Variants in RHOU observed in about 807,000 individuals in gnomAD.
The protein encoded by RHOU is ras homolog family member U.
Under a neutral mutation model 12.6 loss-of-function variants are expected in RHOU, and 8 were observed. The observed-to-expected ratio is 0.64, with a 90% confidence interval of 0.37 to 1.15. The LOEUF (loss-of-function observed/expected upper bound fraction) is 1.15, where lower values mean the gene tolerates loss of function less well. Ranked by LOEUF, RHOU falls within the 50% of genes most tolerant of loss-of-function variation. RHOU has a pLI of 0.01. For missense variants in RHOU, 258 were observed against 347.0 expected (o/e 0.74, Z 2.04); for synonymous variants, 161 against 147.4 (o/e 1.09, Z -0.67).
At chr1:228,650,742 A>G in the RHOU span, 1 of 454,830 alleles carries the variant, frequency 2.2e-6, no homozygotes, top group Non-Finnish European at 4.3e-6. Context: ...AGGCCAGCTT[A>G]TGATCAGGGT....
chr1:228,723,185 C>T, the RHOU span, among the ~76,000 whole-genome samples: 4 of 152,100 alleles, frequency 2.6e-5, no homozygotes, highest in African/African-American at 9.7e-5. Context: ...ATGCCAGTTT[C>T]GATAAAATGA....
At chr1:228,692,037 G>A in the RHOU span, among the ~76,000 whole-genome samples, 1 of 152,202 alleles carries the variant, frequency 6.6e-6, no homozygotes, top group East Asian at 1.9e-4. Flanking sequence ...TGCAGTGGTT[G>A]CTTTTAACCA....
At chr1:228,691,350 C>T in the RHOU span, among the ~76,000 whole-genome samples, 5 of 152,090 alleles carry the variant, frequency 3.3e-5, no homozygotes, top group East Asian at 3.8e-4. Flanking sequence ...TCCACCACTA[C>T]GGTATCACAC....
the RHOU span, among the ~76,000 whole-genome samples, chr1:228,714,789 G>C: frequency 2.3e-5 from 3 of 129,348 alleles, no homozygotes; most frequent in Non-Finnish European, 4.7e-5. Context: ...TGTCACCCAG[G>C]CTGGAGTGCA....
At chr1:228,740,304 T>C (rs1222467590) in intron 2 of RHOU, among the ~76,000 whole-genome samples, 1 of 152,206 alleles carries the variant, frequency 6.6e-6, no homozygotes, top group African/African-American at 2.4e-5. Flanking sequence ...TTCAATGAGA[T>C]TTACTGTATT....
upstream of RHOU, among the ~76,000 whole-genome samples, chr1:228,733,733 A>G (rs138469664): frequency 4.2e-4 from 64 of 152,344 alleles, 1 homozygote; most frequent in African/African-American, 1.3e-3. Flanking sequence ...AAGGGCACCA[A>G]TGTGACTCTC....
chr1:228,651,825 G>T, the RHOU span, among the ~76,000 whole-genome samples: 25 of 152,284 alleles, frequency 1.6e-4, no homozygotes, highest in African/African-American at 5.3e-4. Context: ...GTCTGTCTCC[G>T]TTGCTTCAGG....
the RHOU span, among the ~76,000 whole-genome samples, chr1:228,717,133 G>C: frequency 6.6e-6 from 1 of 152,138 alleles, no homozygotes; most frequent in Non-Finnish European, 1.5e-5. Context: ...GTCTTTTCGG[G>C]CCACTGAAAC....
At chr1:228,658,731 C>G in the RHOU span, among the ~76,000 whole-genome samples, 1 of 152,052 alleles carries the variant, frequency 6.6e-6, no homozygotes, top group South Asian at 2.1e-4. Context: ...GTTCCAGGAC[C>G]CCATAAGTAG....
At chr1:228,647,162 G>C in the RHOU span, among the ~76,000 whole-genome samples, 2 of 152,194 alleles carry the variant, frequency 1.3e-5, no homozygotes, top group South Asian at 4.1e-4. Flanking sequence ...TGAGCAGGGC[G>C]GCCAGGCGGC....
the RHOU span, among the ~76,000 whole-genome samples, chr1:228,683,761 T>C: frequency 6.6e-6 from 1 of 152,162 alleles, no homozygotes; most frequent in African/African-American, 2.4e-5. Context: ...GCAGCCAGAG[T>C]TGCACGGTTT....
chr1:228,722,700 G>A, the RHOU span, among the ~76,000 whole-genome samples: 1 of 150,898 alleles, frequency 6.6e-6, no homozygotes, highest in Non-Finnish European at 1.5e-5. Flanking sequence ...TCAGCTCACT[G>A]CAACCTCTGC....
At chr1:228,717,934 G>A in the RHOU span, among the ~76,000 whole-genome samples, 1 of 152,202 alleles carries the variant, frequency 6.6e-6, no homozygotes, top group Non-Finnish European at 1.5e-5. Flanking sequence ...TGGACCAGCA[G>A]GGTAGTGTCA....
At chr1:228,661,128 G>A in the RHOU span, among the ~76,000 whole-genome samples, 7 of 152,010 alleles carry the variant, frequency 4.6e-5, no homozygotes, top group African/African-American at 1.5e-4. Context: ...CAACTTACAA[G>A]GGATGTGAAG....
chr1:228,687,098 G>C, the RHOU span, among the ~76,000 whole-genome samples: 1 of 152,148 alleles, frequency 6.6e-6, no homozygotes, highest in African/African-American at 2.4e-5. Flanking sequence ...GTAGGGGATA[G>C]AGTACACAAA....
chr1:228,730,984 C>T (rs988353017), upstream of RHOU, among the ~76,000 whole-genome samples: 29 of 152,172 alleles, frequency 1.9e-4, no homozygotes, highest in African/African-American at 6.8e-4. Flanking sequence ...GACATGTACA[C>T]AGTGGAAAGT....
the RHOU span, among the ~76,000 whole-genome samples, chr1:228,658,799 A>G: frequency 2.0e-5 from 3 of 152,208 alleles, no homozygotes; most frequent in Non-Finnish European, 4.4e-5. Context: ...TGGGTATTAA[A>G]AAAGTAAGGC....
At chr1:228,681,142 G>C in the RHOU span, among the ~76,000 whole-genome samples, 6 of 152,194 alleles carry the variant, frequency 3.9e-5, no homozygotes, top group Non-Finnish European at 7.3e-5. Flanking sequence ...GAGCCTAAAC[G>C]CTGGCTGATT....
the RHOU span, among the ~76,000 whole-genome samples, chr1:228,678,241 G>A: frequency 1.3e-5 from 2 of 152,210 alleles, no homozygotes; most frequent in Admixed American, 6.5e-5. Flanking sequence ...AACCTACATG[G>A]AAGAAGTTAT....
Sources: gnomAD v4.1 joint callset for allele counts (sites outside exome capture counted in the v4.1 genomes callset) on GRCh38, gnomAD v4.1.1 for gene constraint, MANE v1.5 for transcripts, NCBI Gene and HGNC (gene_info 2026-07-23, HGNC 2026-07-21) for gene names.